Variants in FAM219B observed in about 807,000 individuals in gnomAD.
FAM219B encodes the protein protein FAM219B.
In FAM219B, 18 loss-of-function variants were observed where a neutral mutation model predicts 19.9. The observed-to-expected ratio is 0.91, with a 90% CI of 0.63 to 1.34. The LOEUF is 1.34. Among genes scored for constraint, FAM219B ranks in the 40% most tolerant of loss-of-function variants. The probability of loss-of-function intolerance (pLI) is 0.00; values close to 1 mark genes in which losing one functional copy is unlikely to be tolerated. For missense variants in FAM219B, 283 were observed against 270.5 expected, an observed-to-expected ratio of 1.05 and a Z score of -0.32; for synonymous variants, 123 against 117.5, an observed-to-expected ratio of 1.05 and a Z score of -0.30.
chr15:74,906,846 A>T lies in FAM219B; in HGVS notation c.-46T>A. 1 of 1,236,154 alleles carries T rather than the reference A, an allele frequency of 8.1e-7. No individual in the cohort carries two copies. The highest frequency in any genetic ancestry group is 1.0e-6 in the Non-Finnish European group (1 of 990,216). The allele number at this position is 1,236,154 out of a possible 1,614,324, so 76.6% of individuals were successfully genotyped here. On this transcript the variant is annotated 5_prime_UTR_variant, in exon 1 of 5. Transcript: ENST00000357635. ...GATGGTGCAACCCCGCCCGTGGCGAAAGAGTGACCGGCCGAGGGAGAGGCG... is the reference window on the plus strand; with the variant it reads ...GATGGTGCAACCCCGCCCGTGGCGATAGAGTGACCGGCCGAGGGAGAGGCG...
At chr15:74,903,600 CAAAAAAAAAAAAA>C (rs60354993) in intron 4 of FAM219B, among the ~76,000 whole-genome samples, 1 of 46,138 alleles carries the variant, frequency 2.2e-5, no homozygotes, top group Non-Finnish European at 4.6e-5. Context: ...GACTCTGTCT[CAAAAAAAAAAAAA>C]AAAAAAAAAA....
At chr15:74,904,916 C>T in intron 3 of FAM219B, 1 of 1,499,654 alleles carries the variant, frequency 6.7e-7, no homozygotes. Flanking sequence ...ACTAACAATG[C>T]AAACATAACA....
rs2065216784 is a variant in FAM219B, at chr15:74,906,753, C to T, written c.48G>A (p.Pro16=). The change falls in exon 1 of 5, where the codon CCG becomes CCA. Residue 16 remains proline, a synonymous_variant. Transcript: ENST00000357635. ...PSGRALRLST[P]GPRPSGARDR... is the part of the protein sequence containing the mutation. ...CCCGAGCCCCGCTGGGCCGGGGTCC[C>T]GGGGTAGACAACCGCAACGCGCGCC... is the stretch of plus-strand genomic sequence containing the variant. 1 of 1,319,086 alleles carries T rather than the reference C, an allele frequency of 7.6e-7. No individual in the cohort carries two copies. Among genetic ancestry groups the T allele is most frequent in the Non-Finnish European group, 9.7e-7 (1 of 1,032,446 alleles). The allele number at this position is 1,319,086 out of a possible 1,614,324, so 81.7% of individuals were successfully genotyped here. A position where few individuals can be genotyped will look rare whatever the true frequency, so the allele number is the denominator to read the frequency against.
chr15:74,904,959 G>A (rs996290693), intron 3 of FAM219B, 195 bp downstream of exon 3: 9 of 1,534,432 alleles, frequency 5.9e-6, no homozygotes, highest in East Asian at 2.4e-5. Context: ...TTGGTGCTCC[G>A]AATTCTAGAG....
Position 74,905,164 on chromosome 15 carries a change from C to T in FAM219B, c.370G>A (p.Asp124Asn), listed in dbSNP as rs765652617. 2.5e-6 allele frequency: 4 copies of T among 1,614,022 alleles called. No individual in the cohort carries two copies. Among genetic ancestry groups the T allele is most frequent in the Middle Eastern group, 1.6e-4 (1 of 6,062 alleles). ...QSPDENLVSLDSDSDGELGSR... is the reference protein window; with the variant it reads ...QSPDENLVSLNSDSDGELGSR... ...AAGGGGAGCACTCACCTGTCAGAGTCGAGGGACACCAGGTTTTCATCTGGA... is the reference window on the plus strand; with the variant it reads ...AAGGGGAGCACTCACCTGTCAGAGTTGAGGGACACCAGGTTTTCATCTGGA... Residue 124 changes from aspartate (D) to asparagine (N), a missense_variant, in exon 3 of 5, where the codon GAC becomes AAC. Coordinates refer to ENST00000357635, the MANE Select transcript of FAM219B (RefSeq NM_020447.5).
downstream of FAM219B, chr15:74,898,103 AG>A (rs2064851180): frequency 2.7e-6 from 1 of 369,202 alleles, no homozygotes; most frequent in East Asian, 6.8e-5. Flanking sequence ...TTCTAAGAAC[AG>A]GGTTCTAGCG....
intron 4 of FAM219B, among the ~76,000 whole-genome samples, chr15:74,903,625 GAAAA>G (rs2065063439): frequency 1.7e-5 from 2 of 119,574 alleles, no homozygotes; most frequent in African/African-American, 6.8e-5. Flanking sequence ...AAAAAAAAAA[GAAAA>G]AGAAAAATAA....
chr15:74,904,146 G>A (rs1000281225), intron 4 of FAM219B, among the ~76,000 whole-genome samples: 2 of 152,200 alleles, frequency 1.3e-5, no homozygotes, highest in African/African-American at 4.8e-5. Flanking sequence ...AATTCTGTGT[G>A]TGTTGAGGGA....
Position 74,906,341 on chromosome 15 carries a change from G to T in FAM219B, c.239C>A (p.Ala80Asp). Residue 80 changes from alanine to aspartate, a missense_variant, in exon 2 of 5, where the codon GCC (alanine) becomes GAC (aspartate). Ala to Asp is a moderately radical substitution (Grantham distance 126). Coordinates refer to ENST00000357635, the MANE Select transcript of FAM219B (RefSeq NM_020447.5). ...KLQKHRDLAK[A>D]VLRRKGMLGA... ...CAGCATGCCTTTTCTCCGCAGAACG[G>T]CCTTGGCCAGGTCCCGGTGCTTCTC... The T allele has an allele frequency of 6.2e-7, 1 of 1,612,842 alleles. No individual in the cohort carries two copies. Among genetic ancestry groups the T allele is most frequent in the African/African-American group, 1.3e-5 (1 of 75,064 alleles).
downstream of FAM219B, chr15:74,898,357 G>GA: frequency 5.6e-6 from 1 of 177,420 alleles, no homozygotes; most frequent in Admixed American, 5.4e-5. Context: ...GGAGTGAGCA[G>GA]GCTACACTCC....
chr15:74,900,066 A>T lies in FAM219B; in HGVS notation c.*2553T>A, dbSNP rs745382614. The T allele has an allele frequency of 2.6e-5, 4 of 152,268 alleles. No individual in the cohort carries two copies. Among genetic ancestry groups the T allele is most frequent in the African/African-American group, 9.6e-5 (4 of 41,464 alleles). The allele number at this position is 152,268 out of a possible 1,614,324, so 9.4% of individuals were successfully genotyped here. On this transcript the variant is annotated 3_prime_UTR_variant, in exon 5 of 5. Transcript: ENST00000357635. ...AGCCAAGAGTTCTATAGAGTAGTAC[A>T]TAAACACCATATGGTACCACTCCTG...
At position 74,906,327 on chromosome 15, in the gene FAM219B, T is replaced by G. The variant is rs962887659; in HGVS notation, c.253A>C (p.Lys85Gln). Residue 85 changes from lysine (K) to glutamine (Q), a missense_variant, in exon 2 of 5, where the codon AAA (lysine) becomes CAA (glutamine). Transcript: ENST00000357635. ...TTCGGCGAGGCCCCCAGCATGCCTTTTCTCCGCAGAACGGCCTTGGCCAGG... is the reference window on the plus strand; with the variant it reads ...TTCGGCGAGGCCCCCAGCATGCCTTGTCTCCGCAGAACGGCCTTGGCCAGG... ...RDLAKAVLRR[K>Q]GMLGASPNRP... is the part of the protein sequence containing the mutation. 6 of 1,613,442 alleles carry G rather than the reference T, an allele frequency of 3.7e-6. No homozygotes were observed. Among genetic ancestry groups the G allele is most frequent in the Non-Finnish European group, 5.1e-6 (6 of 1,179,930 alleles).
rs959018835 is a variant in FAM219B, at chr15:74,902,371, T to G, written c.*248A>C. ...ACCCACCATAAGAACCAGAATTTTC[T>G]GTCTTGCCCTTATTAAAGTGACTTC... On this transcript the variant is annotated 3_prime_UTR_variant, in exon 5 of 5. Coordinates refer to ENST00000357635, the MANE Select transcript of FAM219B (RefSeq NM_020447.5). The G allele has an allele frequency of 7.4e-6, 3 of 406,528 alleles. No homozygotes were observed. Among genetic ancestry groups the G allele is most frequent in the Non-Finnish European group, 1.3e-5 (3 of 231,564 alleles). 25.2% of individuals were successfully genotyped at this position (406,528 alleles called of 1,614,324 possible).
intron 4 of FAM219B, among the ~76,000 whole-genome samples, chr15:74,903,693 G>T (rs765265703): frequency 2.7e-5 from 4 of 150,106 alleles, no homozygotes; most frequent in Non-Finnish European, 3.0e-5. Context: ...TTGACACTCA[G>T]ACATTTAAGG....
intron 2 of FAM219B, chr15:74,906,035 A>G (rs2141252668): frequency 2.0e-6 from 1 of 495,612 alleles, no homozygotes; most frequent in Middle Eastern, 5.3e-4. Flanking sequence ...GAGGAGGAGA[A>G]TGATAGTGAA....
At position 74,906,754 on chromosome 15, in the gene FAM219B, G is replaced by A; in HGVS notation, c.47C>T (p.Pro16Leu). The A allele has an allele frequency of 7.6e-7, 1 of 1,318,040 alleles. No individual in the cohort carries two copies. Among genetic ancestry groups the A allele is most frequent in the South Asian group, 2.3e-5 (1 of 42,796 alleles). 81.6% of individuals were successfully genotyped at this position (1,318,040 alleles called of 1,614,324 possible). Residue 16 changes from proline to leucine, a missense_variant, in exon 1 of 5, where the codon CCG (proline) becomes CTG (leucine). Physicochemically the swap from Pro to Leu is moderately conservative, Grantham distance 98. Transcript: ENST00000357635. Reference protein sequence around the residue: ...PSGRALRLSTPGPRPSGARDR... With the variant: ...PSGRALRLSTLGPRPSGARDR... ...CCGAGCCCCGCTGGGCCGGGGTCCC[G>A]GGGTAGACAACCGCAACGCGCGCCC...
chr15:74,898,273 A>C (rs1284562996), downstream of FAM219B: 2 of 195,812 alleles, frequency 1.0e-5, no homozygotes, highest in Non-Finnish European at 2.2e-5. Context: ...CCTGTTCCTA[A>C]AGTGGGCCAA....
chr15:74,905,241 G>T lies in FAM219B; in HGVS notation c.303-10C>A. Reference sequence around the variant, plus strand: ...GTTAAACTTCACTGACCTGAGGGGAGACGGGGGAGAAGAGACCAAACATAG... The same window carrying T: ...GTTAAACTTCACTGACCTGAGGGGATACGGGGGAGAAGAGACCAAACATAG... On this transcript the variant is annotated splice_polypyrimidine_tract_variant and intron_variant, in intron 2 of 4. Coordinates refer to ENST00000357635, the MANE Select transcript of FAM219B (RefSeq NM_020447.5). 1 of 1,613,528 alleles carries T rather than the reference G, an allele frequency of 6.2e-7. No homozygotes were observed. Among genetic ancestry groups the T allele is most frequent in the South Asian group, 1.1e-5 (1 of 91,066 alleles).
In FAM219B at chr15:74,900,054, A is replaced by C. The variant is rs1431290780; in HGVS notation, c.*2565T>G. The C allele has an allele frequency of 6.6e-6, 1 of 152,226 alleles. No homozygotes were observed. The highest frequency in any genetic ancestry group is 1.5e-5 in the Non-Finnish European group (1 of 68,040). 9.4% of individuals were successfully genotyped at this position (152,226 alleles called of 1,614,324 possible). On this transcript the variant is annotated 3_prime_UTR_variant, in exon 5 of 5. Coordinates refer to ENST00000357635, the MANE Select transcript of FAM219B (RefSeq NM_020447.5). The stretch of plus-strand genomic sequence containing the variant: ...TGTAGAAGTGCAAGCCAAGAGTTCT[A>C]TAGAGTAGTACATAAACACCATATG...
Sources: gnomAD v4.1 joint callset for allele counts (sites outside exome capture counted in the v4.1 genomes callset) on GRCh38, gnomAD v4.1.1 for gene constraint, MANE v1.5 for transcripts, NCBI Gene and HGNC (gene_info 2026-07-23, HGNC 2026-07-21) for gene names.